The following THSD4 variants were observed in gnomAD, a reference collection of about 807,000 sequenced individuals.
THSD4 encodes thrombospondin type-1 domain-containing protein 4.
In THSD4, 69 loss-of-function variants were observed where a neutral mutation model predicts 119.0. The ratio of observed to expected loss-of-function variants is 0.58; its 90% CI spans 0.48 to 0.71. THSD4 has a LOEUF of 0.71. THSD4 is among the 30% of genes least tolerant of loss of function. The pLI is 0.00. For missense variants in THSD4, 1,393 were observed against 1,391.1 expected (o/e 1.00, Z -0.02); for synonymous variants, 524 against 540.4 (o/e 0.97, Z 0.42).
At chr15:71,452,341 A>G (rs536164690) in intron 7 of THSD4, among the ~76,000 whole-genome samples, 2 of 152,034 alleles carry the variant, frequency 1.3e-5, no homozygotes, top group Admixed American at 1.3e-4. Context: ...AACTCTCTGT[A>G]GTTTTCTATT....
At chr15:71,677,567 A>G (rs1464436227) in intron 8 of THSD4, among the ~76,000 whole-genome samples, 1 of 152,190 alleles carries the variant, frequency 6.6e-6, no homozygotes, top group Non-Finnish European at 1.5e-5. Context: ...ATGTCCTTGC[A>G]TCTGTTTACA....
chr15:71,628,505 G>A (rs143959637), intron 7 of THSD4, among the ~76,000 whole-genome samples: 38 of 152,292 alleles, frequency 2.5e-4, no homozygotes, highest in African/African-American at 7.5e-4. Context: ...AGCCCATTTG[G>A]CAGAGACCAG....
At chr15:71,435,694 G>A (rs151129984) in intron 7 of THSD4, among the ~76,000 whole-genome samples, 37 of 152,270 alleles carry the variant, frequency 2.4e-4, no homozygotes, top group African/African-American at 8.4e-4. Flanking sequence ...TGCCACAGGC[G>A]GTTAAGGATG....
intron 7 of THSD4, among the ~76,000 whole-genome samples, chr15:71,651,862 A>G (rs2051096337): frequency 6.6e-6 from 1 of 152,166 alleles, no homozygotes; most frequent in African/African-American, 2.4e-5. Flanking sequence ...CCTCTTGCAA[A>G]GGCTTAGAGG....
At chr15:71,596,334 C>G (rs1007032885) in intron 7 of THSD4, among the ~76,000 whole-genome samples, 12 of 152,130 alleles carry the variant, frequency 7.9e-5, no homozygotes, top group African/African-American at 2.7e-4. Flanking sequence ...TTCTTCTTCT[C>G]CAAGTACAAA....
At chr15:71,580,684 C>G (rs12101945) in intron 7 of THSD4, among the ~76,000 whole-genome samples, 1 of 152,136 alleles carries the variant, frequency 6.6e-6, no homozygotes, top group Non-Finnish European at 1.5e-5. Flanking sequence ...CCATTCTACT[C>G]TCTGCTTTCA....
intron 4 of THSD4, among the ~76,000 whole-genome samples, chr15:71,225,491 G>A (rs1006791959): frequency 1.1e-4 from 16 of 150,828 alleles, no homozygotes; most frequent in African/African-American, 3.7e-4. Flanking sequence ...AGAGTAATGA[G>A]AAGAGAAGGT....
chr15:71,458,261 G>A (rs912428840), intron 7 of THSD4, among the ~76,000 whole-genome samples: 3 of 152,172 alleles, frequency 2.0e-5, no homozygotes, highest in Non-Finnish European at 4.4e-5. Flanking sequence ...CAAGGATTTT[G>A]TGATATAAAT....
At chr15:71,368,114 C>T (rs2045991159) in intron 6 of THSD4, among the ~76,000 whole-genome samples, 1 of 152,104 alleles carries the variant, frequency 6.6e-6, no homozygotes. Flanking sequence ...ATCCTTCGCC[C>T]ACTTTTTGAT....
intron 7 of THSD4, among the ~76,000 whole-genome samples, chr15:71,453,599 A>G (rs139020613): frequency 4.9e-4 from 74 of 152,368 alleles, no homozygotes; most frequent in African/African-American, 1.7e-3. Flanking sequence ...ATTGAGTAAC[A>G]GCTGTGAATT....
chr15:71,497,831 A>G (rs79508047), intron 7 of THSD4, among the ~76,000 whole-genome samples: 8,926 of 152,290 alleles, frequency 0.059, 521 homozygotes, highest in Admixed American at 0.18. Flanking sequence ...CTCATAATGT[A>G]TTTTAACTGT....
At chr15:71,233,277 C>A (rs1436978937) in intron 4 of THSD4, among the ~76,000 whole-genome samples, 2 of 152,158 alleles carry the variant, frequency 1.3e-5, no homozygotes, top group Admixed American at 1.3e-4. Flanking sequence ...GTTAAGATTA[C>A]TGATTTGGTT....
intron 8 of THSD4, among the ~76,000 whole-genome samples, chr15:71,661,046 C>T (rs1043736506): frequency 2.0e-5 from 3 of 152,202 alleles, no homozygotes; most frequent in African/African-American, 7.2e-5. Flanking sequence ...GGGAGAAGCT[C>T]TTTGCAAAGC....
intron 7 of THSD4, among the ~76,000 whole-genome samples, chr15:71,530,749 C>T (rs888554363): frequency 1.3e-5 from 2 of 152,000 alleles, no homozygotes; most frequent in Non-Finnish European, 2.9e-5. Context: ...TGCTCTCTTT[C>T]ACTCATATGG....
intron 7 of THSD4, among the ~76,000 whole-genome samples, chr15:71,473,056 C>CT (rs35085059): frequency 0.13 from 17,293 of 129,160 alleles, 1,289 homozygotes; most frequent in East Asian, 0.23. Context: ...CTGTATTTGG[C>CT]TTTTTTTTTT....
intron 6 of THSD4, among the ~76,000 whole-genome samples, chr15:71,324,430 A>G (rs1394044447): frequency 6.6e-6 from 1 of 152,130 alleles, no homozygotes; most frequent in East Asian, 1.9e-4. Context: ...ATTGTACCCA[A>G]TGTGTACTTT....
chr15:71,387,796 G>A (rs1210622672), intron 6 of THSD4, among the ~76,000 whole-genome samples: 1 of 152,210 alleles, frequency 6.6e-6, no homozygotes, highest in Non-Finnish European at 1.5e-5. Flanking sequence ...ATCCTGGTCA[G>A]CACAGCTTAG....
intron 1 of THSD4, among the ~76,000 whole-genome samples, chr15:71,108,842 AT>A (rs2040284995): frequency 6.6e-6 from 1 of 152,056 alleles, no homozygotes; most frequent in African/African-American, 2.4e-5. Context: ...AAATACAAAA[AT>A]TAGCTGGGTG....
chr15:71,560,986 T>A (rs1389355166), intron 7 of THSD4, among the ~76,000 whole-genome samples: 2 of 149,604 alleles, frequency 1.3e-5, no homozygotes, highest in African/African-American at 4.9e-5. Context: ...TTTTTTTTTT[T>A]TTTTTTGAGA....
Sources: allele counts gnomAD v4.1 joint callset (sites outside exome capture counted in the v4.1 genomes callset), GRCh38; gene constraint gnomAD v4.1.1; transcripts MANE v1.5; gene names NCBI Gene and HGNC (gene_info 2026-07-23, HGNC 2026-07-21).